RPGRIP1: variants seen among roughly 807,000 people sequenced by gnomAD.
RPGRIP1 encodes X-linked retinitis pigmentosa GTPase regulator-interacting protein 1.
Under a neutral mutation model 157.9 loss-of-function variants are expected in RPGRIP1, and 128 were observed. That is an observed-to-expected ratio of 0.81 (90% confidence interval 0.70 to 0.94). RPGRIP1 has a LOEUF of 0.94. Ranked by LOEUF, RPGRIP1 falls within the 40% of genes least tolerant of loss-of-function variation. The pLI is 0.00. For synonymous variants in RPGRIP1, 554 were observed against 571.6 expected, an observed-to-expected ratio of 0.97 and a Z score of 0.44; for missense variants, 1,486 against 1,545.8, an observed-to-expected ratio of 0.96 and a Z score of 0.65.
chr14:21,289,894 T>C (rs906556443), intron 2 of RPGRIP1, among the ~76,000 whole-genome samples: 1 of 152,152 alleles, frequency 6.6e-6, no homozygotes, highest in Admixed American at 6.6e-5. Context: ...TCTTGCTTTG[T>C]CACCTAGGCT....
rs767116798 is a variant in RPGRIP1 at position 21,324,758 on chromosome 14, G to A, written c.1903G>A (p.Ala635Thr). Residue 635 changes from alanine (A) to threonine (T), a missense_variant, in exon 15 of 25, where the codon GCC becomes ACC. By Grantham distance (58) the Ala-to-Thr change is moderately conservative (BLOSUM62 0). Transcript: ENST00000400017. ...TCTTTTTGAACTGCACATCCACCAG[G>A]CCTTCCTGACATCTGCCGCCCTAGC... ...ENLFELHIHQAFLTSAALAQA... is the reference protein window; with the variant it reads ...ENLFELHIHQTFLTSAALAQA... The A allele has an allele frequency of 6.2e-7, 1 of 1,614,018 alleles. No individual in the cohort carries two copies. The highest frequency in any genetic ancestry group is 8.5e-7 in the Non-Finnish European group (1 of 1,179,886).
rs776628777 is a variant in RPGRIP1, at chr14:21,288,052, G to A, written c.76G>A (p.Ala26Thr). The change falls in exon 2 of 25, where the codon GCC becomes ACC. Residue 26 changes from alanine to threonine, a missense_variant. Physicochemically the swap from Ala to Thr is moderately conservative, Grantham distance 58. Transcript: ENST00000400017. ...AGATGCTATACCTCTGGTGCTACCAGCCTCAAAAGGTAACTTCTACGCCTG... is the reference window on the plus strand; with the variant it reads ...AGATGCTATACCTCTGGTGCTACCAACCTCAAAAGGTAACTTCTACGCCTG... ...DIDAIPLVLPASKGKNMKTQP... is the reference protein window; with the variant it reads ...DIDAIPLVLPTSKGKNMKTQP... 3 of 1,610,032 alleles carry A rather than the reference G, an allele frequency of 1.9e-6. No homozygotes were observed. The South Asian group carries it at 3.3e-5, about 18-fold the overall frequency.
Position 21,324,665 on chromosome 14 carries a change from T to A in RPGRIP1, c.1810T>A (p.Leu604Met). ...AYGTRPLSLC[L>M]ETLPAHGDED... ...TGGCACCCGACCGTTGTCGTTATGTTTGGAAACACTGCCAGCCCATGGAGA... is the reference window on the plus strand; with the variant it reads ...TGGCACCCGACCGTTGTCGTTATGTATGGAAACACTGCCAGCCCATGGAGA... The change falls in exon 15 of 25, where the codon TTG becomes ATG. Residue 604 changes from leucine to methionine, a missense_variant. Leu to Met is a conservative substitution (Grantham distance 15, BLOSUM62 2). Transcript: ENST00000400017. 1 of 1,614,028 alleles carries A rather than the reference T, an allele frequency of 6.2e-7. No homozygotes were observed.
chr14:21,335,201 G>T (rs1434432478), intron 21 of RPGRIP1, among the ~76,000 whole-genome samples: 5 of 152,122 alleles, frequency 3.3e-5, no homozygotes, highest in African/African-American at 1.2e-4. Flanking sequence ...GGTACAGTCA[G>T]ATAAAAGGAT....
intron 21 of RPGRIP1, among the ~76,000 whole-genome samples, chr14:21,341,663 G>A (rs1210780143): frequency 6.6e-6 from 1 of 152,060 alleles, no homozygotes; most frequent in African/African-American, 2.4e-5. Flanking sequence ...GTGTACTTCT[G>A]GAAACTTCCT....
chr14:21,338,956 T>A (rs1337030653), intron 21 of RPGRIP1, among the ~76,000 whole-genome samples: 2 of 151,484 alleles, frequency 1.3e-5, no homozygotes, highest in Non-Finnish European at 2.9e-5. Flanking sequence ...CTGGCCAACA[T>A]GGTGAAACCC....
intron 3 of RPGRIP1, among the ~76,000 whole-genome samples, chr14:21,296,688 G>A (rs112782880): frequency 0.17 from 25,905 of 151,674 alleles, 2,786 homozygotes; most frequent in East Asian, 0.28. Context: ...CAGCCACAGT[G>A]GCTCACGCCT....
chr14:21,327,640 G>A lies in RPGRIP1; in HGVS notation c.2728G>A (p.Asp910Asn). 1 of 1,613,908 alleles carries A rather than the reference G, an allele frequency of 6.2e-7. No individual in the cohort carries two copies. ...ESIKGDFNLTDPAEKPNGSIQ... is the reference protein window; with the variant it reads ...ESIKGDFNLTNPAEKPNGSIQ... ...TTTCTCAGGTGATTTTAACCTCACT[G>A]ACCCTGCAGAGAAACCCAACGGATC... Residue 910 changes from aspartate to asparagine, a missense_variant, in exon 18 of 25, where the codon GAC (aspartate) becomes AAC (asparagine). Transcript: ENST00000400017.
chr14:21,321,637 T>C lies in RPGRIP1; in HGVS notation c.1612-217T>C, dbSNP rs938666023. On this transcript the variant is annotated intron_variant, in intron 13 of 24. Transcript: ENST00000400017. ...CCCATGCCAATGGCAAGCGTAAGGC[T>C]TCTGGGTTCAAATTTTGCCAGTCCT... The C allele has an allele frequency of 3.4e-5, 34 of 1,007,274 alleles. No homozygotes were observed. In the African/African-American group the frequency reaches 5.4e-4, roughly 16 times the overall value. The allele number at this position is 1,007,274 out of a possible 1,614,324, so 62.4% of individuals were successfully genotyped here.
At position 21,324,739 on chromosome 14, in the gene RPGRIP1, T is replaced by C. The variant is rs200491247; in HGVS notation, c.1884T>C (p.Phe628=). ...ISLLHQGENL[F]ELHIHQAFLT... is the part of the protein sequence containing the mutation. ...TGCTGCATCAGGGTGAGAATCTTTT[T>C]GAACTGCACATCCACCAGGCCTTCC... Residue 628 remains phenylalanine (F), a synonymous_variant, in exon 15 of 25, where the codon TTT becomes TTC. Transcript: ENST00000400017. The C allele has an allele frequency of 3.9e-5, 63 of 1,614,066 alleles. No homozygotes were observed. In the East Asian group the frequency reaches 1.0e-3, roughly 26 times the overall value.
At chr14:21,349,578 A>T (rs8017451) in intron 24 of RPGRIP1, among the ~76,000 whole-genome samples, 131,107 of 151,424 alleles carry the variant, frequency 0.87, 57,275 homozygotes, top group Middle Eastern at 0.94. Context: ...AATTTTGTAT[A>T]TTTAGTAGAG....
intron 14 of RPGRIP1, 182 bp from the exon 15 acceptor site, chr14:21,324,436 T>C (rs1279701772): frequency 7.9e-6 from 5 of 631,742 alleles, no homozygotes; most frequent in Admixed American, 7.8e-5. Flanking sequence ...ATTATTTGGC[T>C]ATCGGAATTC....
chr14:21,294,411 G>T (rs757189100), intron 2 of RPGRIP1, among the ~76,000 whole-genome samples: 6 of 151,876 alleles, frequency 4.0e-5, no homozygotes, highest in Non-Finnish European at 7.4e-5. Context: ...TGTATTTTTA[G>T]TAGAGACCGG....
Position 21,312,439 on chromosome 14 carries a change from G to A in RPGRIP1, c.1084G>A (p.Glu362Lys). 1 of 1,605,748 alleles carries A rather than the reference G, an allele frequency of 6.2e-7. No homozygotes were observed. The highest frequency in any genetic ancestry group is 8.5e-7 in the Non-Finnish European group (1 of 1,173,682). Residue 362 changes from glutamate to lysine, a missense_variant, in exon 10 of 25, where the codon GAG becomes AAG. Transcript: ENST00000400017. The stretch of plus-strand genomic sequence containing the variant: ...GGGCTACTATCACTCTTAGTTTCAG[G>A]AGAGAGTTGAAGATTTGGAAAAAGA... ...ILQMTLKEFQERVEDLEKERK... is the reference protein window; with the variant it reads ...ILQMTLKEFQKRVEDLEKERK...
At chr14:21,306,364 C>T (rs1881305397) in intron 6 of RPGRIP1, among the ~76,000 whole-genome samples, 1 of 151,502 alleles carries the variant, frequency 6.6e-6, no homozygotes, top group South Asian at 2.1e-4. Context: ...AACTCCTGAC[C>T]TCAGGTGATT....
chr14:21,304,395 GAA>G (rs1566673247), intron 6 of RPGRIP1, among the ~76,000 whole-genome samples: 19 of 32,642 alleles, frequency 5.8e-4, no homozygotes, highest in African/African-American at 1.7e-3. Context: ...GAGAGAGAAA[GAA>G]AGAAAGAAAG....
intron 18 of RPGRIP1, among the ~76,000 whole-genome samples, 159 bp from the exon 19 acceptor site, chr14:21,328,265 C>T (rs1288194273): frequency 3.3e-5 from 5 of 151,980 alleles, no homozygotes; most frequent in Non-Finnish European, 7.4e-5. Flanking sequence ...ACTGATGGAG[C>T]GAAAGCCTGG....
At chr14:21,290,534 G>A (rs974075598) in intron 2 of RPGRIP1, among the ~76,000 whole-genome samples, 4 of 152,062 alleles carry the variant, frequency 2.6e-5, no homozygotes, top group Admixed American at 6.6e-5. Flanking sequence ...AGTTAAGGCC[G>A]GGCACGGTGG....
intron 6 of RPGRIP1, among the ~76,000 whole-genome samples, chr14:21,306,926 C>T (rs935751820): frequency 1.3e-5 from 2 of 151,266 alleles, no homozygotes; most frequent in Admixed American, 1.3e-4. Context: ...CAGGTGCGCA[C>T]CACCACACCC....
Sources: gnomAD v4.1 joint callset for allele counts (sites outside exome capture counted in the v4.1 genomes callset) on GRCh38, gnomAD v4.1.1 for gene constraint, MANE v1.5 for transcripts, NCBI Gene and HGNC (gene_info 2026-07-23, HGNC 2026-07-21) for gene names.